ERG: variants seen among roughly 807,000 people sequenced by gnomAD.
ERG encodes the protein ETS transcription factor ERG, also known as transcriptional regulator ERG.
Under a neutral mutation model 55.3 loss-of-function variants are expected in ERG, and 9 were observed. The ratio of observed to expected loss-of-function variants is 0.16; its 90% CI spans 0.10 to 0.28. ERG has a LOEUF of 0.28. Among genes scored for constraint, ERG ranks in the 10% least tolerant of loss-of-function variants. The pLI, the probability that ERG is intolerant of heterozygous loss-of-function variation, is 1.00. For synonymous variants in ERG, 223 were observed against 237.3 expected, an observed-to-expected ratio of 0.94 and a Z score of 0.55; for missense variants, 434 against 631.6, an observed-to-expected ratio of 0.69 and a Z score of 3.35.
At chr21:38,391,833 A>C in intron 7 of ERG, 118 bp from the exon 8 acceptor site, 1 of 792,216 alleles carries the variant, frequency 1.3e-6, no homozygotes, top group Non-Finnish European at 2.0e-6. Context: ...AGTCTAACTC[A>C]GAAGCATCTC....
intron 2 of ERG, among the ~76,000 whole-genome samples, chr21:38,575,044 G>A (rs2146863665): frequency 6.6e-6 from 1 of 152,248 alleles, no homozygotes; most frequent in Admixed American, 6.5e-5. Context: ...ACCTCCCTTG[G>A]CACAAGTCGC....
chr21:38,550,170 G>T (rs549634488), intron 2 of ERG, among the ~76,000 whole-genome samples: 9 of 152,274 alleles, frequency 5.9e-5, no homozygotes, highest in African/African-American at 2.2e-4. Flanking sequence ...TGACCTGGTT[G>T]CTGAGTCACA....
At chr21:38,505,945 T>C (rs2059457303) in intron 2 of ERG, among the ~76,000 whole-genome samples, 1 of 152,202 alleles carries the variant, frequency 6.6e-6, no homozygotes, top group Admixed American at 6.5e-5. Context: ...ATTCCTTGAA[T>C]TGACATTATT....
At position 38,383,507 on chromosome 21, in the gene ERG, A is replaced by G; in HGVS notation, c.1336T>C (p.Phe446Leu). Residue 446 changes from phenylalanine to leucine, a missense_variant, in exon 10 of 10, where the codon TTT becomes CTT. This residue lies in a region of ERG where 107 missense variants were observed against 126.8 expected (regional missense o/e 0.84). Transcript: ENST00000288319. This position sits in a 1 kb window ranked among gnomAD's most constrained non-coding sequence, Gnocchi z 5.7. ...TTCCAGTATGGGTTTGGGGCAGCAA[A>G]AAAACTGGAAGATGTCACGGGGAGG... ...PALPVTSSSFFAAPNPYWNSP... is the reference protein window; with the variant it reads ...PALPVTSSSFLAAPNPYWNSP... 6.4e-7 allele frequency: 1 copy of G among 1,557,872 alleles called. No individual in the cohort carries two copies. The highest frequency in any genetic ancestry group is 8.7e-7 in the Non-Finnish European group (1 of 1,148,628).
In ERG at chr21:38,445,288, C is replaced by T; in HGVS notation, c.236+116G>A. 1.9e-5 allele frequency: 15 copies of T among 775,598 alleles called. No individual in the cohort carries two copies. The South Asian group carries it at 2.4e-4, about 12-fold the overall frequency. 48.0% of individuals were successfully genotyped at this position (775,598 alleles called of 1,614,324 possible). ...TCCCGAGTAGCTGGGATTACAGGCACAGTGGCCTTGCTTTCTAAGTCAATC... is the reference window on the plus strand; with the variant it reads ...TCCCGAGTAGCTGGGATTACAGGCATAGTGGCCTTGCTTTCTAAGTCAATC... On this transcript the variant is annotated intron_variant, in intron 2 of 9. Coordinates refer to ENST00000288319, the MANE Select transcript of ERG (RefSeq NM_182918.4).
intron 2 of ERG, among the ~76,000 whole-genome samples, chr21:38,570,475 C>T (rs1260712669): frequency 1.3e-5 from 2 of 152,170 alleles, no homozygotes. Flanking sequence ...CATGTTGCTC[C>T]ATAGGTATCA....
rs184643909 is a variant in ERG, at chr21:38,406,244, A to G, written c.389-2535T>C. Among the ~76,000 whole-genome samples the G allele has an allele frequency of 1.4e-4, 22 of 151,752 alleles. No individual in the cohort carries two copies. The East Asian group carries it at 3.5e-3, about 24-fold the overall frequency. Reference sequence around the variant, plus strand: ...TGCTACAGAGAGAATATCAACAAAAACTCCAACGGCAGTGATGACAGAAAA... The same window carrying G: ...TGCTACAGAGAGAATATCAACAAAAGCTCCAACGGCAGTGATGACAGAAAA... On this transcript the variant is annotated intron_variant, in intron 3 of 9. Transcript: ENST00000288319.
At chr21:38,580,577 C>A (rs1263029879) in intron 1 of ERG, among the ~76,000 whole-genome samples, 2 of 152,154 alleles carry the variant, frequency 1.3e-5, no homozygotes, top group Non-Finnish European at 2.9e-5. Context: ...AAGGTATATA[C>A]TTCCATATGA....
chr21:38,456,938 G>A (rs1351270499), intron 1 of ERG, among the ~76,000 whole-genome samples: 5 of 152,200 alleles, frequency 3.3e-5, no homozygotes, highest in East Asian at 3.8e-4. Context: ...GGTAGACCCC[G>A]TCCTGGTAAC....
At chr21:38,521,035 C>A (rs937127532) in intron 2 of ERG, among the ~76,000 whole-genome samples, 1 of 151,994 alleles carries the variant, frequency 6.6e-6, no homozygotes. Flanking sequence ...AGTGAGATAA[C>A]AAATAAAAGC....
chr21:38,383,618 A>T lies in ERG; in HGVS notation c.1225T>A (p.Tyr409Asn). 6.2e-7 allele frequency: 1 copy of T among 1,613,978 alleles called. No homozygotes were observed. Among genetic ancestry groups the T allele is most frequent in the Non-Finnish European group, 8.5e-7 (1 of 1,179,980 alleles). The change falls in exon 10 of 10, where the codon TAC becomes AAC. Residue 409 changes from tyrosine (Y) to asparagine (N), a missense_variant. Transcript: ENST00000288319. The surrounding 1 kb of genome is among the most constrained non-coding windows in gnomAD (Gnocchi z 5.7). ...TACGGGAGGTCTGAGGGGTACTTGTACAGAGATGACTCCGGGGGGTGGGGC... is the reference window on the plus strand; with the variant it reads ...TACGGGAGGTCTGAGGGGTACTTGTTCAGAGATGACTCCGGGGGGTGGGGC... ...LQPHPPESSL[Y>N]KYPSDLPYMG...
intron 1 of ERG, among the ~76,000 whole-genome samples, chr21:38,624,358 C>T (rs1163744257): frequency 2.6e-5 from 4 of 152,154 alleles, no homozygotes; most frequent in African/African-American, 4.8e-5. Context: ...GGCTTAAAAC[C>T]GAGATGACGG....
intron 1 of ERG, among the ~76,000 whole-genome samples, chr21:38,480,312 G>A (rs909201851): frequency 1.3e-5 from 2 of 152,138 alleles, no homozygotes; most frequent in East Asian, 3.9e-4. Context: ...GCGGATAAGA[G>A]AGGACTACTG....
In ERG at chr21:38,569,482, A is replaced by G. The variant is rs145408017; in HGVS notation, c.-41+6180T>C. Among the ~76,000 whole-genome samples the G allele has an allele frequency of 2.4e-4, 36 of 152,364 alleles. 1 individual carries two copies. The East Asian group carries it at 6.7e-3, about 29-fold the overall frequency. On this transcript the variant is annotated intron_variant, in intron 2 of 8. Transcript: ENST00000398897. ...TTGCTAAAGTACAATGAGTTTTACA[A>G]CTAGAAAGTACCTTCCTCTCAAGAC...
At chr21:38,566,019 A>G (rs890206156) in intron 2 of ERG, among the ~76,000 whole-genome samples, 1 of 152,216 alleles carries the variant, frequency 6.6e-6, no homozygotes, top group African/African-American at 2.4e-5. Flanking sequence ...ATAAAACTCC[A>G]TTGTCACCCA....
downstream of ERG, among the ~76,000 whole-genome samples, chr21:38,379,743 ATTTAT>A (rs1484843553): frequency 5.3e-5 from 8 of 152,172 alleles, no homozygotes; most frequent in African/African-American, 1.9e-4. Flanking sequence ...TTTGTCAAAA[ATTTAT>A]TTTATTTTTG....
Position 38,429,439 on chromosome 21 carries a change from ATACACGTG to A in ERG, c.237-5886_237-5879del, listed in dbSNP as rs60052090. On this transcript the variant is annotated intron_variant, in intron 2 of 9. Transcript: ENST00000288319. ...CATATAAACATGTGTGTATACATGT[ATACACGTG>A]TACACATGTACATATACACATATGT... 2.2e-3 allele frequency among the ~76,000 whole-genome samples: 135 copies of A among 61,472 alleles called. 4 individuals carry two copies. The highest frequency in any genetic ancestry group is 0.011 in the Middle Eastern group (1 of 90). The allele number at this position is 61,472 out of a possible 152,430, so 40.3% of individuals were successfully genotyped here. A position where few individuals can be genotyped will look rare whatever the true frequency, so the allele number is the denominator to read the frequency against.
At position 38,528,730 on chromosome 21, in the gene ERG, G is replaced by T. The variant is rs1239220669; in HGVS notation, c.-41+46932C>A. On this transcript the variant is annotated intron_variant, in intron 2 of 8. Coordinates refer to the ERG transcript ENST00000398897. ...CCCAAAGTGCTGGGATTACAGGCGT[G>T]AGCCACCGCGCCCGGCCCATAGCAA... Among the ~76,000 whole-genome samples, 4 of 39,918 alleles carry T rather than the reference G, an allele frequency of 1.0e-4. 2 individuals carry two copies. Among genetic ancestry groups the T allele is most frequent in the Non-Finnish European group, 3.2e-4 (4 of 12,632 alleles). The allele number at this position is 39,918 out of a possible 152,430, so 26.2% of individuals were successfully genotyped here.
intron 1 of ERG, among the ~76,000 whole-genome samples, chr21:38,615,493 G>T (rs1016254432): frequency 6.6e-6 from 1 of 151,834 alleles, no homozygotes; most frequent in African/African-American, 2.4e-5. Flanking sequence ...AAGCAAAAAG[G>T]GTAGAATCAT....
Sources: allele counts gnomAD v4.1 joint callset (sites outside exome capture counted in the v4.1 genomes callset), GRCh38; gene constraint gnomAD v4.1.1; regional missense constraint gnomAD v4.1.1; non-coding constraint Gnocchi (gnomAD v3.1); transcripts MANE v1.5; gene names NCBI Gene and HGNC (gene_info 2026-07-23, HGNC 2026-07-21).